Variants in MLLT3 observed in about 807,000 individuals in gnomAD.
MLLT3 encodes the protein protein AF-9.
A neutral mutation model predicts 53.2 loss-of-function variants in MLLT3; 4 were observed. The observed-to-expected ratio is 0.08, with a 90% CI of 0.04 to 0.17. The LOEUF (loss-of-function observed/expected upper bound fraction) is 0.17. Among genes scored for constraint, MLLT3 ranks in the 10% least tolerant of loss-of-function variants. The probability of loss-of-function intolerance (pLI) is 1.00; values close to 1 mark genes in which losing one functional copy is unlikely to be tolerated. For missense variants in MLLT3, 569 were observed against 684.0 expected (o/e 0.83, Z 1.87); for synonymous variants, 283 against 230.6 (o/e 1.23, Z -2.06).
intron 2 of MLLT3, among the ~76,000 whole-genome samples, chr9:20,581,684 A>C (rs370121233): frequency 4.6e-5 from 7 of 152,342 alleles, no homozygotes; most frequent in African/African-American, 1.7e-4. Flanking sequence ...GAAGCACCTT[A>C]AACTACCTCT....
At position 20,414,345 on chromosome 9, in the gene MLLT3, A is replaced by ACTGCTGCTG. The variant is rs749239229; in HGVS notation, c.492_500dup (p.Ser188_Ser190dup). 2.4e-4 allele frequency: 351 copies of ACTGCTGCTG among 1,493,316 alleles called. 1 individual carries two copies. The Admixed American group carries it at 3.5e-3, about 15-fold the overall frequency. 92.5% of individuals were successfully genotyped at this position (1,493,316 alleles called of 1,614,324 possible). ...TGCTGCTGCTGCTGCTGCTGCTGCTACTGCTGCTGCTGCTGCTGCTGCTGC... is the reference window on the plus strand; with the variant it reads ...TGCTGCTGCTGCTGCTGCTGCTGCTACTGCTGCTGCTGCTGCTGCTGCTGCTGCTGCTGC... On this transcript the variant is annotated inframe_insertion, in exon 5 of 11. Coordinates refer to ENST00000380338, the MANE Select transcript of MLLT3 (RefSeq NM_004529.4).
Position 20,571,531 on chromosome 9 carries a change from G to A in MLLT3, c.193+49123C>T, listed in dbSNP as rs1819532871. Among the ~76,000 whole-genome samples the A allele has an allele frequency of 2.6e-5, 4 of 152,194 alleles. No homozygotes were observed. In the South Asian group the frequency reaches 8.3e-4, roughly 32 times the overall value. ...AGGTATACACGTGCCATGGTGGTTT[G>A]CTGCACCCATCAACCCATCTTCTAC... is the stretch of plus-strand genomic sequence containing the variant. On this transcript the variant is annotated intron_variant, in intron 2 of 10. Coordinates refer to ENST00000380338, the MANE Select transcript of MLLT3 (RefSeq NM_004529.4).
intron 2 of MLLT3, among the ~76,000 whole-genome samples, chr9:20,549,478 C>T (rs985661436): frequency 2.0e-5 from 3 of 152,066 alleles, no homozygotes; most frequent in African/African-American, 7.2e-5. Context: ...GTGCCAGGAA[C>T]TGTCCTAAGC....
At chr9:20,561,325 A>G (rs760527590) in intron 2 of MLLT3, among the ~76,000 whole-genome samples, 1 of 152,178 alleles carries the variant, frequency 6.6e-6, no homozygotes, top group Non-Finnish European at 1.5e-5. Flanking sequence ...TAAAAATAGC[A>G]ATCAAGATAC....
At chr9:20,520,608 C>T (rs554227302) in intron 2 of MLLT3, among the ~76,000 whole-genome samples, 5 of 151,960 alleles carry the variant, frequency 3.3e-5, no homozygotes, top group East Asian at 3.9e-4. Context: ...TGAATAACAC[C>T]GCAATAAAAA....
At chr9:20,447,942 T>C (rs960970663) in intron 4 of MLLT3, among the ~76,000 whole-genome samples, 181 bp downstream of exon 4, 6 of 152,186 alleles carry the variant, frequency 3.9e-5, no homozygotes, top group African/African-American at 1.4e-4. Flanking sequence ...ATCTAAAATA[T>C]TATTGTCTAC....
intron 8 of MLLT3, among the ~76,000 whole-genome samples, chr9:20,359,219 A>G (rs921861380): frequency 1.3e-5 from 2 of 151,424 alleles, no homozygotes; most frequent in Admixed American, 6.6e-5. Context: ...GTTCTCACTG[A>G]AGCACAAATT....
In MLLT3 at chr9:20,343,918, T is replaced by A. The variant is rs1218829465; in HGVS notation, c.*2525A>T. The A allele has an allele frequency of 1.5e-5, 3 of 202,948 alleles. No individual in the cohort carries two copies. The highest frequency in any genetic ancestry group is 6.9e-5 in the African/African-American group (3 of 43,698). 12.6% of individuals were successfully genotyped at this position (202,948 alleles called of 1,614,324 possible). A position where few individuals can be genotyped will look rare whatever the true frequency, so the allele number is the denominator to read the frequency against. ...ACTACTTGAAATTAATTCAAAGGGATCTTTTTATTTCTGTATTTAAAAATT... is the reference window on the plus strand; with the variant it reads ...ACTACTTGAAATTAATTCAAAGGGAACTTTTTATTTCTGTATTTAAAAATT... On this transcript the variant is annotated 3_prime_UTR_variant, in exon 11 of 11. Transcript: ENST00000380338.
At chr9:20,365,852 C>CATTT in intron 5 of MLLT3, 108 bp from the exon 6 acceptor site, 2 of 1,041,030 alleles carry the variant, frequency 1.9e-6, no homozygotes, top group African/African-American at 1.6e-5. Context: ...AACCGTGATG[C>CATTT]ATTTCATTAT....
At chr9:20,354,920 G>A in intron 8 of MLLT3, 41 bp from the exon 9 acceptor site, 1 of 1,434,042 alleles carries the variant, frequency 7.0e-7, no homozygotes, top group Non-Finnish European at 9.8e-7. Context: ...TTTATTTCAA[G>A]CATCTCTTAG....
At chr9:20,375,204 C>T (rs896661275) in intron 5 of MLLT3, among the ~76,000 whole-genome samples, 4 of 152,188 alleles carry the variant, frequency 2.6e-5, no homozygotes, top group Non-Finnish European at 4.4e-5. Context: ...CAATATTTTT[C>T]AGATGATAAA....
At position 20,600,999 on chromosome 9, in the gene MLLT3, A is replaced by AT. The variant is rs565396137; in HGVS notation, c.193+19654dup. On this transcript the variant is annotated intron_variant, in intron 2 of 10. Coordinates refer to ENST00000380338, the MANE Select transcript of MLLT3 (RefSeq NM_004529.4). ...TAAGGCATTTCTAGGGTTTCTTTAAATAAAAAAAAAGTGTAGTCAATCACA... is the reference window on the plus strand; with the variant it reads ...TAAGGCATTTCTAGGGTTTCTTTAAATTAAAAAAAAAGTGTAGTCAATCACA... Among the ~76,000 whole-genome samples the AT allele has an allele frequency of 2.3e-3, 351 of 152,344 alleles. 1 individual carries two copies. The highest frequency in any genetic ancestry group is 4.2e-3 in the Admixed American group (65 of 15,310).
At chr9:20,462,464 C>T (rs1471175961) in intron 2 of MLLT3, among the ~76,000 whole-genome samples, 1 of 151,950 alleles carries the variant, frequency 6.6e-6, no homozygotes, top group Admixed American at 6.6e-5. Context: ...CTGTAGCCAC[C>T]CAATATAACT....
chr9:20,563,863 G>A (rs1465383564), intron 2 of MLLT3, among the ~76,000 whole-genome samples: 1 of 152,028 alleles, frequency 6.6e-6, no homozygotes, highest in African/African-American at 2.4e-5. Context: ...TGTAAAAGAA[G>A]AAAAAGAATC....
chr9:20,536,576 C>G (rs1346941036), intron 2 of MLLT3, among the ~76,000 whole-genome samples: 1 of 152,078 alleles, frequency 6.6e-6, no homozygotes, highest in East Asian at 1.9e-4. Flanking sequence ...CAACTGTAGC[C>G]ACAGTTAGCT....
intron 2 of MLLT3, among the ~76,000 whole-genome samples, chr9:20,521,406 T>A (rs1587020215): frequency 6.6e-6 from 1 of 152,012 alleles, no homozygotes; most frequent in Non-Finnish European, 1.5e-5. Context: ...AATTGAGAAT[T>A]TGTTCCTCAA....
chr9:20,564,747 G>GA (rs1217954280), intron 2 of MLLT3, among the ~76,000 whole-genome samples: 1 of 152,142 alleles, frequency 6.6e-6, no homozygotes, highest in Non-Finnish European at 1.5e-5. Context: ...TTATCCACTG[G>GA]AAGTGGATCA....
At chr9:20,484,612 G>C (rs1824759151) in intron 2 of MLLT3, among the ~76,000 whole-genome samples, 1 of 152,048 alleles carries the variant, frequency 6.6e-6, no homozygotes, top group South Asian at 2.1e-4. Flanking sequence ...ATACCGCCAT[G>C]ATTTCTCTGC....
At chr9:20,524,810 C>T (rs1487949343) in intron 2 of MLLT3, among the ~76,000 whole-genome samples, 1 of 152,158 alleles carries the variant, frequency 6.6e-6, no homozygotes, top group Non-Finnish European at 1.5e-5. Flanking sequence ...CCCAACTCCA[C>T]ACCCCCTCTA....
Sources: allele counts gnomAD v4.1 joint callset (sites outside exome capture counted in the v4.1 genomes callset), GRCh38; gene constraint gnomAD v4.1.1; transcripts MANE v1.5; gene names NCBI Gene and HGNC (gene_info 2026-07-23, HGNC 2026-07-21).